The following TSFM variants were observed in gnomAD, a reference collection of about 807,000 sequenced individuals.
TSFM encodes the protein elongation factor Ts, mitochondrial.
Under a neutral mutation model 33.4 loss-of-function variants are expected in TSFM, and 29 were observed. The observed-to-expected ratio is 0.87, with a 90% CI of 0.65 to 1.18. The LOEUF (loss-of-function observed/expected upper bound fraction) is 1.18, where lower values mean the gene tolerates loss of function less well. Among genes scored for constraint, TSFM ranks in the 50% most tolerant of loss-of-function variants. The pLI is 0.00. For synonymous variants in TSFM, 178 were observed against 163.5 expected (o/e 1.09, Z -0.68); for missense variants, 394 against 395.6 (o/e 1.00, Z 0.04).
chr12:57,788,499 A>G (rs920162844), intron 4 of TSFM, among the ~76,000 whole-genome samples: 2 of 150,960 alleles, frequency 1.3e-5, no homozygotes, highest in Non-Finnish European at 3.0e-5. Context: ...CTGGTCTTGA[A>G]CTCCTGACCT....
chr12:57,793,695 T>C (rs983115858), intron 5 of TSFM, among the ~76,000 whole-genome samples: 10 of 152,316 alleles, frequency 6.6e-5, no homozygotes, highest in Non-Finnish European at 1.2e-4. Flanking sequence ...TTGCAACTAA[T>C]TAAAATTATT....
intron 5 of TSFM, 35 bp downstream of exon 5, chr12:57,793,108 T>C (rs1226686797): frequency 6.4e-7 from 1 of 1,556,322 alleles, no homozygotes; most frequent in Admixed American, 1.7e-5. Context: ...AACTGGAAAT[T>C]AGGGACTGGA....
chr12:57,801,170 C>T, downstream of TSFM: 2 of 1,613,712 alleles, frequency 1.2e-6, no homozygotes. Flanking sequence ...ATAGCAGCAG[C>T]ATCTCCCAGC....
intron 5 of TSFM, 56 bp downstream of exon 5, chr12:57,793,129 T>C (rs1205144987): frequency 7.5e-6 from 11 of 1,457,706 alleles, no homozygotes; most frequent in South Asian, 5.9e-5. Context: ...TCTCTTGTTA[T>C]CTTGTTCCTC....
intron 4 of TSFM, 52 bp downstream of exon 4, chr12:57,787,214 C>G: frequency 1.3e-6 from 2 of 1,510,958 alleles, no homozygotes; most frequent in South Asian, 1.2e-5. Context: ...CTCATTGGGT[C>G]TTTTGCTGTT....
intron 4 of TSFM, among the ~76,000 whole-genome samples, chr12:57,788,430 C>T (rs762008156): frequency 6.6e-6 from 1 of 152,024 alleles, no homozygotes; most frequent in African/African-American, 2.4e-5. Context: ...GCGCCCGCCA[C>T]CACACACGCC....
At chr12:57,801,097 C>G, downstream of TSFM, 10 of 1,523,070 alleles carry the variant, frequency 6.6e-6, no homozygotes, top group South Asian at 1.1e-5. Context: ...TTCTCTGGCT[C>G]TGGTTGCCCA....
downstream of TSFM, chr12:57,798,120 C>G (rs143814362): frequency 8.1e-4 from 426 of 529,158 alleles, 7 homozygotes; most frequent in African/African-American, 7.6e-3. Flanking sequence ...GAATGAATTT[C>G]TCAGAAAGGC....
At chr12:57,801,351 C>G, downstream of TSFM, 1 of 658,560 alleles carries the variant, frequency 1.5e-6, no homozygotes. Flanking sequence ...AAATGAAAAT[C>G]CCCCCTTTTG....
chr12:57,796,524 G>A lies in TSFM; in HGVS notation c.919G>A (p.Val307Ile), dbSNP rs775268501. ...GQYVQPQGVSVVDFVRFECGE... is the reference protein window; with the variant it reads ...GQYVQPQGVSIVDFVRFECGE... ...GTATGTGCAGCCTCAGGGGGTGTCGGTAGTAGACTTTGTGCGGTTTGAATG... is the reference window on the plus strand; with the variant it reads ...GTATGTGCAGCCTCAGGGGGTGTCGATAGTAGACTTTGTGCGGTTTGAATG... Residue 307 changes from valine (V) to isoleucine (I), a missense_variant, in exon 6 of 6, where the codon GTA (valine) becomes ATA (isoleucine). Val to Ile is a conservative substitution (Grantham distance 29). Transcript: ENST00000652027. The A allele has an allele frequency of 2.7e-6, 4 of 1,497,458 alleles. No homozygotes were observed. Among genetic ancestry groups the A allele is most frequent in the Non-Finnish European group, 3.6e-6 (4 of 1,121,512 alleles). The allele number at this position is 1,497,458 out of a possible 1,614,324, so 92.8% of individuals were successfully genotyped here.
Position 57,782,869 on chromosome 12 carries a change from C to T in TSFM, c.57+11C>T. 6.3e-7 allele frequency: 1 copy of T among 1,589,780 alleles called. No individual in the cohort carries two copies. Reference sequence around the variant, plus strand: ...ACCGGGAGCTACCCGGTGAGAAGTCCTGGTGCTGGTACCGACCTGCTGTCC... The same window carrying T: ...ACCGGGAGCTACCCGGTGAGAAGTCTTGGTGCTGGTACCGACCTGCTGTCC... On this transcript the variant is annotated intron_variant, in intron 1 of 5. Coordinates refer to ENST00000652027, the MANE Select transcript of TSFM (RefSeq NM_005726.6).
chr12:57,800,397 C>T (rs1955822344), downstream of TSFM: 1 of 154,542 alleles, frequency 6.5e-6, no homozygotes. Context: ...TGCACTCCTC[C>T]TGAGGTTAAA....
chr12:57,793,604 C>G (rs1399642869), intron 5 of TSFM, among the ~76,000 whole-genome samples: 2 of 152,178 alleles, frequency 1.3e-5, no homozygotes, highest in South Asian at 4.1e-4. Context: ...TCTAGGGAAA[C>G]GGAGTCCTGG....
At chr12:57,801,540 G>C, downstream of TSFM, 1 of 196,750 alleles carries the variant, frequency 5.1e-6, no homozygotes, top group South Asian at 9.0e-5. Flanking sequence ...AGGGGTTCAA[G>C]ACTAGCCTGA....
chr12:57,787,272 C>CTTT, intron 4 of TSFM, 110 bp downstream of exon 4: 1 of 1,116,532 alleles, frequency 9.0e-7, no homozygotes, highest in Non-Finnish European at 1.3e-6. Flanking sequence ...CACATCTCTG[C>CTTT]TTAAATGCTA....
At chr12:57,792,833 C>A (rs535931529) in intron 4 of TSFM, among the ~76,000 whole-genome samples, 153 bp from the exon 5 acceptor site, 1 of 152,218 alleles carries the variant, frequency 6.6e-6, no homozygotes, top group East Asian at 1.9e-4. Context: ...CTCAGGTGAT[C>A]CACCCACCTT....
At chr12:57,798,138 G>T, downstream of TSFM, 1 of 538,360 alleles carries the variant, frequency 1.9e-6, no homozygotes, top group South Asian at 2.8e-5. Context: ...GGCTGTTAAA[G>T]ATTTAAATTA....
At chr12:57,793,178 A>T (rs1299034875) in intron 5 of TSFM, 105 bp downstream of exon 5, 6 of 958,334 alleles carry the variant, frequency 6.3e-6, no homozygotes, top group East Asian at 5.1e-5. Flanking sequence ...CAAGGGTCAG[A>T]TGATACGAAC....
chr12:57,787,608 G>C (rs1004768368), intron 4 of TSFM, among the ~76,000 whole-genome samples: 7 of 152,106 alleles, frequency 4.6e-5, no homozygotes, highest in Non-Finnish European at 1.0e-4. Context: ...CAGAAATTTG[G>C]AATGGTCTTA....
Sources: gnomAD v4.1 joint callset for allele counts (sites outside exome capture counted in the v4.1 genomes callset) on GRCh38, gnomAD v4.1.1 for gene constraint, MANE v1.5 for transcripts, NCBI Gene and HGNC (gene_info 2026-07-23, HGNC 2026-07-21) for gene names.